Variants in STX2 observed in about 807,000 individuals in gnomAD.
STX2 encodes syntaxin 2.
In STX2, 27 loss-of-function variants were observed where a neutral mutation model predicts 40.6. The observed-to-expected ratio is 0.66, with a 90% CI of 0.49 to 0.92. The LOEUF (loss-of-function observed/expected upper bound fraction) is 0.92, where lower values mean the gene tolerates loss of function less well. STX2 is among the 40% of genes least tolerant of loss of function. STX2 has a pLI of 0.00. For missense variants in STX2, 328 were observed against 366.1 expected, an observed-to-expected ratio of 0.90 and a Z score of 0.85; for synonymous variants, 123 against 119.1, an observed-to-expected ratio of 1.03 and a Z score of -0.22.
At chr12:130,813,961 T>G (rs10744484) in intron 3 of STX2, among the ~76,000 whole-genome samples, 85,233 of 152,072 alleles carry the variant, frequency 0.56, 26,376 homozygotes, top group East Asian at 0.87. Flanking sequence ...CGTAGACAAC[T>G]TGGCCAAGAA....
chr12:130,827,384 T>TTG, intron 1 of STX2, 117 bp from the exon 2 acceptor site: 1 of 723,206 alleles, frequency 1.4e-6, no homozygotes, highest in Non-Finnish European at 2.4e-6. Context: ...CAGCACCAAA[T>TTG]TGTAACAGAC....
chr12:130,796,043 T>C lies in STX2; in HGVS notation c.864A>G (p.Lys288=). The change falls in exon 10 of 11, where the codon AAA becomes AAG. Residue 288 remains lysine, a synonymous_variant. Transcript: ENST00000392373. The stretch of plus-strand genomic sequence containing the variant: ...CACACTGACGTTATCCACACCATCA[T>C]TTGCCAACTGACAAGCCAATAATTA... ...IALIIGLSVG[K] 1.7e-5 allele frequency: 27 copies of C among 1,614,172 alleles called. No homozygotes were observed. Among genetic ancestry groups the C allele is most frequent in the Non-Finnish European group, 2.2e-5 (26 of 1,180,022 alleles).
At chr12:130,795,925 A>G (rs575613275) in intron 10 of STX2, 70 bp downstream of exon 10, 185 of 1,499,048 alleles carry the variant, frequency 1.2e-4, no homozygotes, top group South Asian at 1.1e-3. Flanking sequence ...TATGTCTATT[A>G]CAATTAAGCA....
chr12:130,804,746 G>T (rs557591003), intron 6 of STX2, among the ~76,000 whole-genome samples: 14 of 151,510 alleles, frequency 9.2e-5, no homozygotes, highest in Middle Eastern at 3.4e-3. Flanking sequence ...CACATGGAGG[G>T]TTTAGAATTT....
At chr12:130,826,854 AAAG>A (rs1482802382) in intron 2 of STX2, among the ~76,000 whole-genome samples, 4 of 150,286 alleles carry the variant, frequency 2.7e-5, no homozygotes, top group Non-Finnish European at 5.9e-5. Context: ...TGCAAAAAAA[AAAG>A]AATTAGCTGG....
At chr12:130,812,292 T>C in intron 4 of STX2, 1 of 439,872 alleles carries the variant, frequency 2.3e-6, no homozygotes, top group Non-Finnish European at 4.5e-6. Flanking sequence ...GGGAAGCTTC[T>C]GTTTTTGAAA....
chr12:130,804,432 G>A (rs1304700536), intron 6 of STX2, among the ~76,000 whole-genome samples: 4 of 152,136 alleles, frequency 2.6e-5, no homozygotes, highest in Non-Finnish European at 5.9e-5. Context: ...CGATGCCTCC[G>A]GCACAGGCAA....
intron 8 of STX2, among the ~76,000 whole-genome samples, chr12:130,799,757 T>A (rs534337417): frequency 6.7e-6 from 1 of 149,406 alleles, no homozygotes; most frequent in African/African-American, 2.5e-5. Context: ...GAGGTTGCAG[T>A]GAGCCAAGAT....
chr12:130,804,676 G>A (rs527580935), intron 6 of STX2, among the ~76,000 whole-genome samples: 14 of 152,168 alleles, frequency 9.2e-5, no homozygotes, highest in Non-Finnish European at 1.6e-4. Flanking sequence ...TTTCTTTGGC[G>A]TCTCAGCTCG....
intron 1 of STX2, among the ~76,000 whole-genome samples, chr12:130,830,276 G>A (rs4644680): frequency 0.18 from 27,630 of 152,122 alleles, 2,673 homozygotes; most frequent in Middle Eastern, 0.25. Context: ...CCAGCGCCAC[G>A]CTTCCCTGTG....
rs1408728927 is a variant in STX2, at chr12:130,806,986, C to G, written c.459G>C (p.Glu153Asp). 2 of 1,613,176 alleles carry G rather than the reference C, an allele frequency of 1.2e-6. No individual in the cohort carries two copies. The highest frequency in any genetic ancestry group is 1.3e-5 in the African/African-American group (1 of 74,932). ...RSKGRIQRQL[E>D]ITGRTTTDDE... ...GACGGAGTCTCCATTACTCACTTAT[C>G]TCCAGCTGGCGCTGGATGCGGCCTT... Residue 153 changes from glutamate to aspartate, a missense_variant, in exon 6 of 11, where the codon GAG becomes GAC. Coordinates refer to ENST00000392373, the MANE Select transcript of STX2 (RefSeq NM_194356.4).
chr12:130,811,843 AT>A (rs1271929897), intron 4 of STX2, among the ~76,000 whole-genome samples: 4 of 152,164 alleles, frequency 2.6e-5, no homozygotes, highest in African/African-American at 9.7e-5. Context: ...CCAGGCCACC[AT>A]TAACATCTTA....
rs779069701 is a variant in STX2 at position 130,801,169 on chromosome 12, A to G, written c.659T>C (p.Met220Thr). The G allele has an allele frequency of 6.2e-7, 1 of 1,612,876 alleles. No individual in the cohort carries two copies. The highest frequency in any genetic ancestry group is 1.1e-5 in the South Asian group (1 of 90,844). ...TGTAACTACCTGAGTCTCCACAAAC[A>G]TAGCCATGTCCATGAACATCTCATG... is the stretch of plus-strand genomic sequence containing the variant. ...ELHEMFMDMA[M>T]FVETQGEMIN... Residue 220 changes from methionine (M) to threonine (T), a missense_variant, in exon 8 of 11, where the codon ATG (methionine) becomes ACG (threonine). Met to Thr is a moderately conservative substitution (Grantham distance 81). Transcript: ENST00000392373.
At chr12:130,813,314 C>A (rs1951728793) in intron 3 of STX2, among the ~76,000 whole-genome samples, 1 of 152,218 alleles carries the variant, frequency 6.6e-6, no homozygotes, top group Non-Finnish European at 1.5e-5. Flanking sequence ...TCTGAGTTAG[C>A]AAACCCTCCA....
chr12:130,800,213 G>A (rs1015031775), intron 8 of STX2, among the ~76,000 whole-genome samples: 5 of 151,988 alleles, frequency 3.3e-5, no homozygotes, highest in African/African-American at 1.2e-4. Flanking sequence ...ACATACCCAT[G>A]CACATCACAG....
At chr12:130,802,191 T>C (rs1435147437) in intron 6 of STX2, among the ~76,000 whole-genome samples, 1 of 152,170 alleles carries the variant, frequency 6.6e-6, no homozygotes. Flanking sequence ...AAAGGACGCT[T>C]TTGGTTTTTG....
intron 5 of STX2, 26 bp from the exon 6 acceptor site, chr12:130,807,116 G>A (rs562995516): frequency 1.0e-5 from 16 of 1,604,360 alleles, no homozygotes; most frequent in African/African-American, 2.7e-5. Flanking sequence ...AACTACATTC[G>A]TATCTGAGGG....
rs143812052 is a variant in STX2, at chr12:130,811,820, G to A, written c.280+1137C>T. Among the ~76,000 whole-genome samples, 692 of 152,264 alleles carry A rather than the reference G, an allele frequency of 4.5e-3. 9 individuals carry two copies. The highest frequency in any genetic ancestry group is 0.016 in the African/African-American group (663 of 41,534). On this transcript the variant is annotated intron_variant, in intron 4 of 10. Transcript: ENST00000392373. ...CTCCCAAAGTGCTGGGATTATAGGC[G>A]TGAGCCACCGTGCCAGGCCACCATT...
At position 130,839,094 on chromosome 12, in the gene STX2, C is replaced by G. The variant is rs11061163; in HGVS notation, c.6G>C (p.Arg2=). 103,534 of 1,303,182 alleles carry G rather than the reference C, an allele frequency of 0.079. 4,447 individuals carry two copies. The highest frequency in any genetic ancestry group is 0.087 in the Non-Finnish European group (89,009 of 1,021,660). 80.7% of individuals were successfully genotyped at this position (1,303,182 alleles called of 1,614,324 possible). ...CCGCCGTCAGGTCTGGCAGCCGGTC[C>G]CGCATCCCCGCCGGCCGGGCAGCGC... M[R]DRLPDLTACR... The change falls in exon 1 of 11, where the codon CGG becomes CGC. Residue 2 remains arginine, a synonymous_variant. Transcript: ENST00000392373.
Sources: gnomAD v4.1 joint callset for allele counts (sites outside exome capture counted in the v4.1 genomes callset) on GRCh38, gnomAD v4.1.1 for gene constraint, MANE v1.5 for transcripts, NCBI Gene and HGNC (gene_info 2026-07-23, HGNC 2026-07-21) for gene names.